The following SNUPN variants were observed in gnomAD, a reference collection of about 807,000 sequenced individuals.
The protein encoded by SNUPN is snurportin 1.
SNUPN carries 31 observed loss-of-function variants against 39.2 expected under a neutral mutation model. The ratio of observed to expected loss-of-function variants is 0.79; its 90% CI spans 0.59 to 1.07. SNUPN has a LOEUF of 1.07. Ranked by LOEUF, SNUPN falls within the 50% of genes least tolerant of loss-of-function variation. The probability of loss-of-function intolerance (pLI) is 0.00; values close to 1 mark genes in which losing one functional copy is unlikely to be tolerated. For synonymous variants in SNUPN, 132 were observed against 159.0 expected, an observed-to-expected ratio of 0.83 and a Z score of 1.28; for missense variants, 382 against 434.2, an observed-to-expected ratio of 0.88 and a Z score of 1.07.
At chr15:75,611,338 C>T (rs565451834) in intron 3 of SNUPN, among the ~76,000 whole-genome samples, 2 of 150,384 alleles carry the variant, frequency 1.3e-5, no homozygotes, top group African/African-American at 2.4e-5. Flanking sequence ...CTGCAAGCTG[C>T]GCCTCCCGGG....
At chr15:75,602,273 A>G (rs1409174194) in intron 7 of SNUPN, among the ~76,000 whole-genome samples, 2 of 152,090 alleles carry the variant, frequency 1.3e-5, no homozygotes, top group Non-Finnish European at 2.9e-5. Flanking sequence ...CACGCCTGTA[A>G]TCCCAGCACT....
At chr15:75,603,937 C>G (rs1676214963) in intron 7 of SNUPN, among the ~76,000 whole-genome samples, 1 of 152,072 alleles carries the variant, frequency 6.6e-6, no homozygotes, top group Non-Finnish European at 1.5e-5. Flanking sequence ...CTTTCATCTT[C>G]CCATCTGTAA....
intron 3 of SNUPN, 136 bp from the exon 4 acceptor site, chr15:75,610,130 G>C (rs1270026402): frequency 1.5e-6 from 1 of 676,724 alleles, no homozygotes; most frequent in Admixed American, 2.2e-5. Context: ...GGGCACGGGG[G>C]CTCATGCTTG....
intron 3 of SNUPN, 57 bp from the exon 4 acceptor site, chr15:75,610,051 G>T: frequency 7.8e-7 from 1 of 1,283,282 alleles, no homozygotes; most frequent in Non-Finnish European, 1.1e-6. Context: ...TCGAAAGTCT[G>T]CAATGACAAG....
At chr15:75,608,205 A>G (rs1193216809) in intron 5 of SNUPN, among the ~76,000 whole-genome samples, 1 of 152,080 alleles carries the variant, frequency 6.6e-6, no homozygotes, top group Non-Finnish European at 1.5e-5. Flanking sequence ...AACATGGCAA[A>G]ACCCCATCTC....
intron 8 of SNUPN, among the ~76,000 whole-genome samples, chr15:75,599,198 A>ACAT (rs1415069157): frequency 6.6e-6 from 1 of 152,022 alleles, no homozygotes; most frequent in Non-Finnish European, 1.5e-5. Flanking sequence ...GAAAGGATAA[A>ACAT]CATAAATAGC....
chr15:75,617,659 G>A (rs1275569106), intron 2 of SNUPN, 107 bp from the exon 3 acceptor site: 13 of 1,268,076 alleles, frequency 1.0e-5, no homozygotes, highest in African/African-American at 1.5e-5. Context: ...TCAGCTCACT[G>A]CAGCCTCAAC....
intron 1 of SNUPN, 108 bp downstream of exon 1, chr15:75,625,558 T>A (rs1893205099): frequency 6.6e-6 from 1 of 152,102 alleles, no homozygotes; most frequent in Non-Finnish European, 1.5e-5. Flanking sequence ...TCCCTCCAGA[T>A]GACGTCCCAG....
chr15:75,600,509 A>G (rs980065662), intron 8 of SNUPN: 1 of 152,444 alleles, frequency 6.6e-6, no homozygotes, highest in Non-Finnish European at 1.5e-5. Context: ...TCCTGACCTC[A>G]AGTGATCCAC....
chr15:75,610,349 G>A (rs1301411737), intron 3 of SNUPN, among the ~76,000 whole-genome samples: 4 of 150,624 alleles, frequency 2.7e-5, no homozygotes, highest in South Asian at 2.1e-4. Flanking sequence ...GCAGTGAGCC[G>A]AGATGGTGCC....
chr15:75,609,130 CAAAAAACAAA>C (rs1187325914), intron 5 of SNUPN, among the ~76,000 whole-genome samples: 2 of 62,984 alleles, frequency 3.2e-5, no homozygotes, highest in South Asian at 9.6e-4. Context: ...GACTCTGTCT[CAAAAAACAAA>C]AAAAAAAAAC....
chr15:75,616,428 A>G (rs1892941232), intron 3 of SNUPN, among the ~76,000 whole-genome samples: 1 of 151,954 alleles, frequency 6.6e-6, no homozygotes, highest in South Asian at 2.1e-4. Context: ...ACTGCACTCC[A>G]GCCTGGGCAA....
chr15:75,599,836 A>ATTTTTTTTTTTTTTT (rs60918008), intron 8 of SNUPN, among the ~76,000 whole-genome samples: 6 of 140,516 alleles, frequency 4.3e-5, no homozygotes, highest in Non-Finnish European at 4.6e-5. Flanking sequence ...GACTGGGCAG[A>ATTTTTTTTTTTTTTT]TTTTTTTTTT....
chr15:75,625,993 G>A (rs1325021255), upstream of SNUPN: 1 of 152,342 alleles, frequency 6.6e-6, no homozygotes, highest in African/African-American at 2.4e-5. Context: ...CAAGCTCTTC[G>A]GGGCTCCTTT....
intron 5 of SNUPN, among the ~76,000 whole-genome samples, chr15:75,608,497 T>G (rs1164074484): frequency 1.3e-5 from 2 of 152,182 alleles, no homozygotes; most frequent in Non-Finnish European, 2.9e-5. Context: ...ACTGAATAAC[T>G]GTGGGTAAGT....
At chr15:75,611,421 T>C (rs546135650) in intron 3 of SNUPN, among the ~76,000 whole-genome samples, 17 of 151,292 alleles carry the variant, frequency 1.1e-4, no homozygotes, top group African/African-American at 4.1e-4. Flanking sequence ...CCCAGCTAAT[T>C]TTTTGTATTT....
intron 3 of SNUPN, among the ~76,000 whole-genome samples, chr15:75,611,730 C>G (rs1167469646): frequency 6.6e-6 from 1 of 151,846 alleles, no homozygotes; most frequent in African/African-American, 2.4e-5. Context: ...TGGCATGCAC[C>G]CGTAGTCCCA....
chr15:75,605,660 T>A (rs955089962), intron 6 of SNUPN, among the ~76,000 whole-genome samples: 4 of 152,212 alleles, frequency 2.6e-5, no homozygotes, highest in African/African-American at 9.7e-5. Flanking sequence ...CATACAGTCT[T>A]TTGTTTACGT....
At chr15:75,614,787 T>C (rs895543817) in intron 3 of SNUPN, among the ~76,000 whole-genome samples, 6 of 152,338 alleles carry the variant, frequency 3.9e-5, no homozygotes, top group African/African-American at 1.2e-4. Context: ...TCAATATAAC[T>C]GTCTAAAAAA....
Sources: gnomAD v4.1 joint callset for allele counts (sites outside exome capture counted in the v4.1 genomes callset) on GRCh38, gnomAD v4.1.1 for gene constraint, MANE v1.5 for transcripts, NCBI Gene and HGNC (gene_info 2026-07-23, HGNC 2026-07-21) for gene names.